DRC11: variants seen among roughly 807,000 people sequenced by gnomAD.
The protein encoded by DRC11 is dynein regulatory complex subunit 11.
chr2:236,418,786 C>T, the DRC11 span, among the ~76,000 whole-genome samples: 1 of 152,168 alleles, frequency 6.6e-6, no homozygotes, highest in African/African-American at 2.4e-5. Flanking sequence ...TTTGACTTTC[C>T]AGTGTTTACT....
At chr2:236,384,965 A>G in the DRC11 span, among the ~76,000 whole-genome samples, 1 of 151,998 alleles carries the variant, frequency 6.6e-6, no homozygotes, top group Non-Finnish European at 1.5e-5. Context: ...AAGATCAGAT[A>G]GTTGTAGATA....
the DRC11 span, among the ~76,000 whole-genome samples, chr2:236,491,374 C>T: frequency 1.3e-3 from 189 of 150,160 alleles, 1 homozygote; most frequent in Middle Eastern, 0.034. Context: ...GAGCCCCTGG[C>T]ACATGTGAAA....
chr2:236,392,747 A>G, the DRC11 span, among the ~76,000 whole-genome samples: 1 of 152,206 alleles, frequency 6.6e-6, no homozygotes, highest in African/African-American at 2.4e-5. This position sits in a 1 kb window ranked among gnomAD's most constrained non-coding sequence, Gnocchi z 5.1. Flanking sequence ...ATGATTCACT[A>G]AAATACGAAA....
chr2:236,491,188 GTATATATATA>G, the DRC11 span, among the ~76,000 whole-genome samples: 4 of 24,774 alleles, frequency 1.6e-4, 1 homozygote, highest in Non-Finnish European at 2.3e-4. Flanking sequence ...TATACACACA[GTATATATATA>G]TATATATATA....
the DRC11 span, among the ~76,000 whole-genome samples, chr2:236,411,278 A>G: frequency 1.3e-5 from 2 of 152,156 alleles, no homozygotes; most frequent in East Asian, 1.9e-4. Flanking sequence ...TTATGCAGCC[A>G]AAAAACACAT....
chr2:236,393,819 C>G, the DRC11 span, among the ~76,000 whole-genome samples: 1 of 152,146 alleles, frequency 6.6e-6, no homozygotes, highest in Non-Finnish European at 1.5e-5. This position sits in a 1 kb window ranked among gnomAD's most constrained non-coding sequence, Gnocchi z 4.7. Context: ...TGGGGCAGCA[C>G]AGCTTGGTGC....
the DRC11 span, among the ~76,000 whole-genome samples, chr2:236,383,878 T>C: frequency 5.3e-5 from 8 of 149,756 alleles, no homozygotes; most frequent in South Asian, 8.7e-4. Flanking sequence ...TGTGATCTCA[T>C]TGTTCAATTC....
At chr2:236,507,235 T>C in the DRC11 span, 1 of 1,613,756 alleles carries the variant, frequency 6.2e-7, no homozygotes. Flanking sequence ...TCCATGGCTG[T>C]GGCTGGGAGC....
chr2:236,401,556 G>T, the DRC11 span, among the ~76,000 whole-genome samples: 6 of 152,208 alleles, frequency 3.9e-5, no homozygotes, highest in African/African-American at 1.4e-4. This position sits in a 1 kb window ranked among gnomAD's most constrained non-coding sequence, Gnocchi z 4.6. Flanking sequence ...ATACAATGTG[G>T]TATTTCCATA....
At chr2:236,378,535 C>A in the DRC11 span, among the ~76,000 whole-genome samples, 8 of 151,962 alleles carry the variant, frequency 5.3e-5, no homozygotes, top group African/African-American at 1.9e-4. Context: ...ATTAGCTGGG[C>A]CTGGTGGTGG....
At chr2:236,505,150 A>T in the DRC11 span, among the ~76,000 whole-genome samples, 1 of 152,338 alleles carries the variant, frequency 6.6e-6, no homozygotes, top group South Asian at 2.1e-4. Flanking sequence ...GATATGACAG[A>T]TTTTGAAGTC....
chr2:236,389,941 C>T, the DRC11 span, among the ~76,000 whole-genome samples: 6 of 152,080 alleles, frequency 3.9e-5, no homozygotes, highest in African/African-American at 1.4e-4. Context: ...CATGCATACT[C>T]GAGAAGAATG....
the DRC11 span, chr2:236,367,746 C>T: frequency 0.18 from 33,242 of 185,574 alleles, 3,361 homozygotes; most frequent in Non-Finnish European, 0.22. The surrounding 1 kb of genome is among the most constrained non-coding windows in gnomAD (Gnocchi z 4.8). Flanking sequence ...GAGTAGACGT[C>T]GGTGAAAACT....
chr2:236,506,972 G>A, the DRC11 span, among the ~76,000 whole-genome samples: 3 of 152,190 alleles, frequency 2.0e-5, no homozygotes, highest in Non-Finnish European at 4.4e-5. This position sits in a 1 kb window ranked among gnomAD's most constrained non-coding sequence, Gnocchi z 4.9. Flanking sequence ...AGCCCCTAAG[G>A]GCTTGGCAGG....
At chr2:236,413,146 A>G in the DRC11 span, among the ~76,000 whole-genome samples, 1 of 152,166 alleles carries the variant, frequency 6.6e-6, no homozygotes, top group African/African-American at 2.4e-5. The surrounding 1 kb of genome is among the most constrained non-coding windows in gnomAD (Gnocchi z 4.0). Flanking sequence ...TGCCTGTGTA[A>G]CCAAATATAT....
At chr2:236,419,295 AC>A in the DRC11 span, 1 of 1,518,850 alleles carries the variant, frequency 6.6e-7, no homozygotes, top group Non-Finnish European at 8.8e-7. This position sits in a 1 kb window ranked among gnomAD's most constrained non-coding sequence, Gnocchi z 4.8. Flanking sequence ...AAATAATCAT[AC>A]CATTTTCATA....
chr2:236,336,623 G>A, the DRC11 span, among the ~76,000 whole-genome samples: 2 of 151,938 alleles, frequency 1.3e-5, no homozygotes, highest in African/African-American at 4.8e-5. The surrounding 1 kb of genome is among the most constrained non-coding windows in gnomAD (Gnocchi z 7.3). Context: ...CCTATCTCCC[G>A]CCTCCTCAGC....
the DRC11 span, among the ~76,000 whole-genome samples, chr2:236,504,196 C>T: frequency 2.2e-5 from 3 of 134,794 alleles, no homozygotes; most frequent in South Asian, 2.2e-4. The surrounding 1 kb of genome is among the most constrained non-coding windows in gnomAD (Gnocchi z 5.0). Context: ...AATTACACGG[C>T]GGTGGGGGGG....
the DRC11 span, chr2:236,344,506 C>T: frequency 7.5e-7 from 1 of 1,331,724 alleles, no homozygotes; most frequent in Non-Finnish European, 1.1e-6. Flanking sequence ...TTGGTAAGGG[C>T]CTCCTTTGGA....
Sources: allele counts gnomAD v4.1 joint callset (sites outside exome capture counted in the v4.1 genomes callset), GRCh38; gene constraint gnomAD v4.1.1; non-coding constraint Gnocchi (gnomAD v3.1); transcripts MANE v1.5; gene names NCBI Gene and HGNC (gene_info 2026-07-23, HGNC 2026-07-21).